The following GNB1L variants were observed in gnomAD, a reference collection of about 807,000 sequenced individuals.
GNB1L encodes G protein subunit beta 1 like, also known as guanine nucleotide-binding protein subunit beta-like protein 1.
In GNB1L, 20 loss-of-function variants were observed where a neutral mutation model predicts 29.1. The observed-to-expected ratio is 0.69, with a 90% CI of 0.48 to 1.00. GNB1L has a LOEUF of 1.00. Among genes scored for constraint, GNB1L ranks in the 50% least tolerant of loss-of-function variants. GNB1L has a pLI of 0.00. For missense variants in GNB1L, 421 were observed against 464.9 expected (o/e 0.91, Z 0.87); for synonymous variants, 193 against 206.5 (o/e 0.93, Z 0.56).
At chr22:19,839,878 TAATAATAATAATAAC>T (rs1937828222) in intron 2 of GNB1L, among the ~76,000 whole-genome samples, 1 of 149,668 alleles carries the variant, frequency 6.7e-6, no homozygotes, top group East Asian at 2.0e-4. Flanking sequence ...TCCGTCTCAA[TAATAATAATAATAAC>T]AATAATAATA....
intron 2 of GNB1L, among the ~76,000 whole-genome samples, chr22:19,843,965 T>C (rs763612101): frequency 1.1e-4 from 17 of 152,168 alleles, no homozygotes; most frequent in Non-Finnish European, 2.4e-4. Flanking sequence ...CAAGATTCAC[T>C]GCCTCAGGCC....
intron 3 of GNB1L, 107 bp downstream of exon 3, chr22:19,821,121 T>C: frequency 1.7e-6 from 2 of 1,162,244 alleles, no homozygotes; most frequent in South Asian, 2.8e-5. Flanking sequence ...TGGCGAGCAG[T>C]CCATGCCCCT....
intron 2 of GNB1L, chr22:19,851,392 G>T (rs201085521): frequency 2.5e-6 from 4 of 1,614,064 alleles, no homozygotes; most frequent in Non-Finnish European, 3.4e-6. Flanking sequence ...CCTCTGGCTG[G>T]GAAGAGGCTG....
intron 7 of GNB1L, among the ~76,000 whole-genome samples, chr22:19,790,549 T>C (rs1937242419): frequency 6.6e-6 from 1 of 152,182 alleles, no homozygotes; most frequent in African/African-American, 2.4e-5. Flanking sequence ...TGGTGGCTCA[T>C]GCTTGTAATC....
chr22:19,819,611 G>A (rs370426684), intron 4 of GNB1L, among the ~76,000 whole-genome samples: 56 of 152,320 alleles, frequency 3.7e-4, no homozygotes, highest in African/African-American at 1.3e-3. Flanking sequence ...ATGAACCATG[G>A]GGGCACCCAG....
intron 2 of GNB1L, 24 bp from the exon 3 acceptor site, chr22:19,821,399 G>A: frequency 6.2e-7 from 1 of 1,602,650 alleles, no homozygotes; most frequent in Non-Finnish European, 8.5e-7. Flanking sequence ...GAGGGCGTGT[G>A]AGTGACTGCG....
chr22:19,801,514 G>C (rs1339276854), intron 7 of GNB1L, among the ~76,000 whole-genome samples: 1 of 152,218 alleles, frequency 6.6e-6, no homozygotes, highest in Non-Finnish European at 1.5e-5. Flanking sequence ...ACCATGGGAA[G>C]ATCTTCAGCA....
chr22:19,847,374 T>C, intron 2 of GNB1L: 12 of 985,452 alleles, frequency 1.2e-5, no homozygotes, highest in Non-Finnish European at 1.4e-5. Flanking sequence ...TGCTGGATCT[T>C]TGGGCTTTTC....
At chr22:19,822,286 C>A (rs1006866864) in intron 2 of GNB1L, among the ~76,000 whole-genome samples, 4 of 152,096 alleles carry the variant, frequency 2.6e-5, no homozygotes, top group Admixed American at 2.6e-4. Context: ...AGTCGCCGTG[C>A]GGCTCCTTAG....
chr22:19,800,761 C>G (rs1413694311), intron 7 of GNB1L, among the ~76,000 whole-genome samples: 1 of 152,242 alleles, frequency 6.6e-6, no homozygotes, highest in East Asian at 1.9e-4. Context: ...TGTGCCTGCA[C>G]AGGTTGGTGA....
chr22:19,789,166 C>T (rs1009430364), intron 7 of GNB1L, among the ~76,000 whole-genome samples: 1 of 152,192 alleles, frequency 6.6e-6, no homozygotes, highest in African/African-American at 2.4e-5. Flanking sequence ...TGGTCTTCGG[C>T]CCTGCCCTGC....
chr22:19,801,526 C>G (rs1414317127), intron 7 of GNB1L, among the ~76,000 whole-genome samples: 1 of 152,234 alleles, frequency 6.6e-6, no homozygotes, highest in East Asian at 1.9e-4. Flanking sequence ...TCTTCAGCAA[C>G]CGCCAGGTGG....
At chr22:19,850,676 G>A (rs1938072728) in intron 2 of GNB1L, 1 of 1,230,640 alleles carries the variant, frequency 8.1e-7, no homozygotes, top group African/African-American at 1.6e-5. Context: ...CATTCCAGCT[G>A]GGACAGAAGT....
At chr22:19,843,835 C>T (rs1937904905) in intron 2 of GNB1L, among the ~76,000 whole-genome samples, 1 of 152,240 alleles carries the variant, frequency 6.6e-6, no homozygotes, top group African/African-American at 2.4e-5. Context: ...CCACCCATCT[C>T]CCTTCTGGGT....
intron 7 of GNB1L, among the ~76,000 whole-genome samples, chr22:19,801,003 T>TG (rs1298925856): frequency 1.3e-5 from 2 of 152,114 alleles, no homozygotes; most frequent in African/African-American, 4.8e-5. Context: ...CTGCCCTGCC[T>TG]GGGGGGCCCG....
intron 2 of GNB1L, among the ~76,000 whole-genome samples, chr22:19,845,852 G>A (rs1937949353): frequency 6.6e-6 from 1 of 152,270 alleles, no homozygotes; most frequent in Admixed American, 6.5e-5. Context: ...CTGCATTTGT[G>A]ATCCAATGTG....
chr22:19,844,681 CCCCAGGAGCGGGT>C (rs1285862232), intron 2 of GNB1L, among the ~76,000 whole-genome samples: 3 of 152,180 alleles, frequency 2.0e-5, no homozygotes, highest in Non-Finnish European at 4.4e-5. Flanking sequence ...ATGTCCGTCG[CCCCAGGAGCGGGT>C]CCCAGGAGCC....
At chr22:19,843,117 C>T (rs370632255) in intron 2 of GNB1L, among the ~76,000 whole-genome samples, 19 of 152,308 alleles carry the variant, frequency 1.2e-4, no homozygotes, top group Admixed American at 6.5e-5. Flanking sequence ...CAGATAGCAC[C>T]GGGCTGGTAA....
intron 2 of GNB1L, chr22:19,849,559 A>G (rs1134452): frequency 0.17 from 70,675 of 415,894 alleles, 11,575 homozygotes; most frequent in African/African-American, 0.62. Context: ...GGAGAGATGG[A>G]TTTCTCCATG....
Sources: gnomAD v4.1 joint callset for allele counts (sites outside exome capture counted in the v4.1 genomes callset) on GRCh38, gnomAD v4.1.1 for gene constraint, MANE v1.5 for transcripts, NCBI Gene and HGNC (gene_info 2026-07-23, HGNC 2026-07-21) for gene names.